ARHGAP22: variants seen among roughly 807,000 people sequenced by gnomAD.
ARHGAP22 encodes Rho GTPase activating protein 22.
Under a neutral mutation model 59.1 loss-of-function variants are expected in ARHGAP22, and 48 were observed. That is an observed-to-expected ratio of 0.81 (90% confidence interval 0.64 to 1.03). The LOEUF (loss-of-function observed/expected upper bound fraction) is 1.03, where lower values mean the gene tolerates loss of function less well. Among genes scored for constraint, ARHGAP22 ranks in the 50% least tolerant of loss-of-function variants. The pLI, the probability that ARHGAP22 is intolerant of heterozygous loss-of-function variation, is 0.00. For missense variants in ARHGAP22, 1,015 were observed against 958.7 expected (o/e 1.06, Z -0.78); for synonymous variants, 445 against 416.4 (o/e 1.07, Z -0.84).
intron 2 of ARHGAP22, among the ~76,000 whole-genome samples, chr10:48,561,431 T>G (rs2057681437): frequency 1.3e-5 from 2 of 152,140 alleles, no homozygotes; most frequent in South Asian, 2.1e-4. Flanking sequence ...GACTTTGGAT[T>G]AGACAAAGAG....
At chr10:48,518,888 T>C (rs993228601) in intron 3 of ARHGAP22, among the ~76,000 whole-genome samples, 7 of 152,206 alleles carry the variant, frequency 4.6e-5, no homozygotes, top group Non-Finnish European at 4.4e-5. Flanking sequence ...GATGTGGGGA[T>C]GGCAAATTGG....
At chr10:48,520,540 T>C (rs2134715479) in intron 3 of ARHGAP22, among the ~76,000 whole-genome samples, 1 of 152,276 alleles carries the variant, frequency 6.6e-6, no homozygotes, top group East Asian at 1.9e-4. Flanking sequence ...CTGGGCACAC[T>C]GTTCCCTGGT....
In ARHGAP22 at chr10:48,448,198, C is replaced by T. The variant is rs147006544; in HGVS notation, c.1869-1579G>A. Among the ~76,000 whole-genome samples, 1,034 of 152,346 alleles carry T rather than the reference C, an allele frequency of 6.8e-3. 6 individuals carry two copies. The highest frequency in any genetic ancestry group is 0.01 in the Middle Eastern group (3 of 294). ...CCCCTCCCCACACATCTCCAGTCCCCAGCCCCTGACTCTCCCCCACTACAG... is the reference window on the plus strand; with the variant it reads ...CCCCTCCCCACACATCTCCAGTCCCTAGCCCCTGACTCTCCCCCACTACAG... On this transcript the variant is annotated intron_variant, in intron 9 of 9. Coordinates refer to ENST00000249601, the MANE Select transcript of ARHGAP22 (RefSeq NM_021226.4).
intron 3 of ARHGAP22, among the ~76,000 whole-genome samples, chr10:48,496,088 G>A (rs1034486497): frequency 4.6e-5 from 7 of 152,170 alleles, no homozygotes; most frequent in South Asian, 2.1e-4. Context: ...AGCCACACCC[G>A]GATTCCCGAC....
chr10:48,488,577 C>A (rs1589700055), intron 3 of ARHGAP22, among the ~76,000 whole-genome samples: 1 of 152,122 alleles, frequency 6.6e-6, no homozygotes, highest in African/African-American at 2.4e-5. Context: ...TTAGGTGGAA[C>A]CAGAGTACTC....
upstream of ARHGAP22, among the ~76,000 whole-genome samples, chr10:48,654,776 TTCTTTCTTTCTTTC>T (rs2062697082): frequency 4.4e-5 from 2 of 45,028 alleles, no homozygotes; most frequent in South Asian, 1.6e-3. Flanking sequence ...GCTGATTACT[TTCTTTCTTTCTTTC>T]TTTCTTTCTT....
At chr10:48,487,567 G>A in intron 3 of ARHGAP22, among the ~76,000 whole-genome samples, 1 of 152,146 alleles carries the variant, frequency 6.6e-6, no homozygotes, top group Non-Finnish European at 1.5e-5. Flanking sequence ...GAAGGTGGAG[G>A]AAGGGAGCCA....
At chr10:48,498,910 A>G (rs1376557408) in intron 3 of ARHGAP22, among the ~76,000 whole-genome samples, 2 of 145,204 alleles carry the variant, frequency 1.4e-5, no homozygotes, top group Non-Finnish European at 3.1e-5. Flanking sequence ...CTAAGACTAG[A>G]GATGCAGCCA....
At chr10:48,569,013 C>T (rs1484972849) in intron 2 of ARHGAP22, among the ~76,000 whole-genome samples, 1 of 152,200 alleles carries the variant, frequency 6.6e-6, no homozygotes, top group Non-Finnish European at 1.5e-5. Flanking sequence ...GCTCAAAATA[C>T]ACCTTTGGGA....
At chr10:48,474,100 C>T (rs947052783) in intron 4 of ARHGAP22, among the ~76,000 whole-genome samples, 1 of 152,152 alleles carries the variant, frequency 6.6e-6, no homozygotes, top group African/African-American at 2.4e-5. Context: ...TGTCTTTCTT[C>T]TTATTTAGAT....
chr10:48,616,199 A>T (rs1232522735), intron 1 of ARHGAP22, among the ~76,000 whole-genome samples: 2 of 152,190 alleles, frequency 1.3e-5, no homozygotes, highest in African/African-American at 4.8e-5. Context: ...TTTTTTGGCA[A>T]TAAAGTCTTT....
chr10:48,527,975 A>G (rs958493295), intron 3 of ARHGAP22, among the ~76,000 whole-genome samples: 5 of 152,234 alleles, frequency 3.3e-5, no homozygotes, highest in African/African-American at 4.8e-5. Flanking sequence ...GCTGGACACC[A>G]GCTTTGAGGA....
At chr10:48,435,247 T>C in the ARHGAP22 span, 1 of 444,520 alleles carries the variant, frequency 2.2e-6, no homozygotes, top group Non-Finnish European at 4.0e-6. Context: ...GTATTTTTTT[T>C]GCTGTAATTA....
At chr10:48,621,576 C>A (rs1199031283) in intron 1 of ARHGAP22, among the ~76,000 whole-genome samples, 1 of 152,190 alleles carries the variant, frequency 6.6e-6, no homozygotes, top group Non-Finnish European at 1.5e-5. Flanking sequence ...AAAATCTATT[C>A]ATCCCTAGAT....
the ARHGAP22 span, chr10:48,430,978 T>C: frequency 3.5e-6 from 2 of 572,558 alleles, no homozygotes; most frequent in Admixed American, 3.3e-5. Context: ...ACAGGAAAGA[T>C]TAGTACTTCC....
intron 1 of ARHGAP22, chr10:48,624,244 A>G (rs942174609): frequency 6.6e-6 from 1 of 152,240 alleles, no homozygotes. Flanking sequence ...GTTTGAGACT[A>G]CTCTGACCAA....
At chr10:48,459,604 C>T in intron 5 of ARHGAP22, 80 bp downstream of exon 5, 2 of 1,511,732 alleles carry the variant, frequency 1.3e-6, no homozygotes, top group Non-Finnish European at 1.8e-6. Flanking sequence ...CCCCTGCCCA[C>T]TGGAGCTGGT....
At chr10:48,549,877 T>A (rs1337053524) in intron 3 of ARHGAP22, among the ~76,000 whole-genome samples, 1 of 152,130 alleles carries the variant, frequency 6.6e-6, no homozygotes, top group Non-Finnish European at 1.5e-5. Context: ...CAGCAGTGTT[T>A]TTTGCAAGCC....
intron 3 of ARHGAP22, among the ~76,000 whole-genome samples, chr10:48,527,090 T>C (rs1030612655): frequency 2.0e-5 from 3 of 152,162 alleles, no homozygotes; most frequent in African/African-American, 7.2e-5. Flanking sequence ...GAGATTCAAT[T>C]TACAAAGGAA....
Sources: gnomAD v4.1 joint callset for allele counts (sites outside exome capture counted in the v4.1 genomes callset) on GRCh38, gnomAD v4.1.1 for gene constraint, MANE v1.5 for transcripts, NCBI Gene and HGNC (gene_info 2026-07-23, HGNC 2026-07-21) for gene names.